ERLIN2: variants seen among roughly 807,000 people sequenced by gnomAD.
The protein encoded by ERLIN2 is erlin-2.
A neutral mutation model predicts 41.5 loss-of-function variants in ERLIN2; 22 were observed. That is an observed-to-expected ratio of 0.53 (90% CI 0.38 to 0.76). The LOEUF is 0.76. Among genes scored for constraint, ERLIN2 ranks in the 30% least tolerant of loss-of-function variants. ERLIN2 has a pLI of 0.00. For missense variants in ERLIN2, 247 were observed against 414.3 expected (o/e 0.60, Z 3.51); for synonymous variants, 149 against 150.9 (o/e 0.99, Z 0.09).
At chr8:37,750,090 A>C in intron 8 of ERLIN2, 1 of 631,226 alleles carries the variant, frequency 1.6e-6, no homozygotes, top group Non-Finnish European at 2.8e-6. Context: ...GAAAAGGGCC[A>C]GGGGGCCTTG....
chr8:37,739,859 G>A (rs1423077368), intron 2 of ERLIN2, among the ~76,000 whole-genome samples: 1 of 151,626 alleles, frequency 6.6e-6, no homozygotes, highest in Non-Finnish European at 1.5e-5. Flanking sequence ...AAGCTGGAGT[G>A]CAGTGGCACA....
intron 1 of ERLIN2, 188 bp from the exon 2 acceptor site, chr8:37,737,720 G>A (rs1802701064): frequency 3.1e-6 from 2 of 637,230 alleles, no homozygotes; most frequent in South Asian, 1.9e-5. Flanking sequence ...TAATTTTACA[G>A]TTAAAGAAAG....
At chr8:37,748,090 C>A in intron 6 of ERLIN2, 1 of 965,742 alleles carries the variant, frequency 1.0e-6, no homozygotes, top group Non-Finnish European at 1.7e-6. Context: ...CGCCTTTTCC[C>A]TGCGGCTACC....
At chr8:37,740,593 A>AAT (rs1406473660) in intron 3 of ERLIN2, 147 bp downstream of exon 3, 320 of 210,548 alleles carry the variant, frequency 1.5e-3, no homozygotes, top group Middle Eastern at 1.9e-3. Context: ...ATATATATAT[A>AAT]ATATATATAT....
chr8:37,745,265 A>G, intron 6 of ERLIN2: 1 of 488,054 alleles, frequency 2.0e-6, no homozygotes, highest in Non-Finnish European at 3.6e-6. Flanking sequence ...TGAGAACCAT[A>G]GCTCCTTCCA....
rs918204435 is a variant in ERLIN2 at position 37,751,519 on chromosome 8, G to A, written c.650-107G>A. 2.9e-4 allele frequency: 252 copies of A among 876,226 alleles called. 2 individuals are homozygous for A. Among genetic ancestry groups the A allele is most frequent in the Middle Eastern group, 1.3e-3 (6 of 4,488 alleles). 54.3% of individuals were successfully genotyped at this position (876,226 alleles called of 1,614,324 possible). ...GTGTGCACTCACAGCTGCCCTCTGGGGGCTCTCCAGACAAGCTGGCCCACC... is the reference window on the plus strand; with the variant it reads ...GTGTGCACTCACAGCTGCCCTCTGGAGGCTCTCCAGACAAGCTGGCCCACC... On this transcript the variant is annotated intron_variant, in intron 9 of 11. Transcript: ENST00000519638.
intron 6 of ERLIN2, chr8:37,747,872 A>T: frequency 6.2e-7 from 1 of 1,613,728 alleles, no homozygotes; most frequent in Non-Finnish European, 8.5e-7. Flanking sequence ...AATTTCTCTA[A>T]CTGACAGTCC....
intron 1 of ERLIN2, chr8:37,736,967 GA>G: frequency 1.0e-6 from 1 of 986,006 alleles, no homozygotes; most frequent in Non-Finnish European, 1.2e-6. Flanking sequence ...GCACTGGCAG[GA>G]AAGGACGCAA....
intron 10 of ERLIN2, among the ~76,000 whole-genome samples, chr8:37,752,378 T>C (rs1294702867): frequency 6.6e-6 from 1 of 152,116 alleles, no homozygotes; most frequent in Non-Finnish European, 1.5e-5. Flanking sequence ...GGCTACAAAG[T>C]GTTATGTCTA....
chr8:37,745,836 G>A (rs929571090), intron 6 of ERLIN2: 36 of 1,346,482 alleles, frequency 2.7e-5, no homozygotes, highest in Middle Eastern at 2.1e-4. Context: ...TAAATTTGCC[G>A]TTGATTTTTC....
At chr8:37,747,613 A>G (rs1208964384) in intron 6 of ERLIN2, 1 of 1,611,738 alleles carries the variant, frequency 6.2e-7, no homozygotes, top group Non-Finnish European at 8.5e-7. Flanking sequence ...CTGAGTATAT[A>G]TGTTCGTTTT....
chr8:37,738,179 C>A (rs1802721925), intron 2 of ERLIN2, 150 bp downstream of exon 2: 3 of 827,638 alleles, frequency 3.6e-6, no homozygotes, highest in African/African-American at 3.4e-5. Context: ...ATGTCAGTAA[C>A]CACGGGAAAG....
chr8:37,753,537 C>T lies in ERLIN2; in HGVS notation c.819+8C>T. The stretch of plus-strand genomic sequence containing the variant: ...ATAGCCGAAGCCAATAAGGTAAAGA[C>T]CCCGCACAGCCTGATAAAAAGGAGT... On this transcript the variant is annotated splice_region_variant and intron_variant, in intron 11 of 11. Coordinates refer to ENST00000519638, the MANE Select transcript of ERLIN2 (RefSeq NM_007175.8). 6.2e-7 allele frequency: 1 copy of T among 1,612,702 alleles called. No individual in the cohort carries two copies. The highest frequency in any genetic ancestry group is 1.3e-5 in the African/African-American group (1 of 75,026).
At position 37,751,764 on chromosome 8, in the gene ERLIN2, G is replaced by C. The variant is rs537009420; in HGVS notation, c.739+49G>C. 2.1e-6 allele frequency: 3 copies of C among 1,431,846 alleles called. No individual in the cohort carries two copies. In the South Asian group the frequency reaches 3.4e-5, roughly 16 times the overall value. 88.7% of individuals were successfully genotyped at this position (1,431,846 alleles called of 1,614,324 possible). On this transcript the variant is annotated intron_variant, in intron 10 of 11. Coordinates refer to ENST00000519638, the MANE Select transcript of ERLIN2 (RefSeq NM_007175.8). ...CTGAGTCCTCCTCAGACCCCGCCCT[G>C]TGGCCAGTGGGTTGGGGAGCCATTG...
intron 3 of ERLIN2, 21 bp downstream of exon 3, chr8:37,740,467 A>G (rs763068880): frequency 9.4e-6 from 15 of 1,591,924 alleles, no homozygotes; most frequent in Non-Finnish European, 1.3e-5. Flanking sequence ...CCTCTGTGGT[A>G]TGGCTGGACG....
chr8:37,747,889 A>G, intron 6 of ERLIN2: 1 of 1,613,958 alleles, frequency 6.2e-7, no homozygotes, highest in Non-Finnish European at 8.5e-7. Flanking sequence ...GTCCAGCACT[A>G]GGACCACCTG....
At chr8:37,745,603 A>G in intron 6 of ERLIN2, 1 of 1,614,146 alleles carries the variant, frequency 6.2e-7, no homozygotes, top group South Asian at 1.1e-5. Flanking sequence ...AATCTTCATA[A>G]AAGGGACCCT....
chr8:37,749,586 C>G lies in ERLIN2; in HGVS notation c.452C>G (p.Ala151Gly). ...FDQIDENLKLALQQDLTSMAP... is the reference protein window; with the variant it reads ...FDQIDENLKLGLQQDLTSMAP... ...CAGATTGATGAAAATCTCAAACTGG[C>G]TTTGCAACAGGACCTGACCTCCATG... is the stretch of plus-strand genomic sequence containing the variant. Residue 151 changes from alanine (A) to glycine (G), a missense_variant, in exon 7 of 12, where the codon GCT (alanine) becomes GGT (glycine). By Grantham distance (60) the Ala-to-Gly change is moderately conservative. Around this residue, in one of 3 missense-constraint regions of ERLIN2, gnomAD observed 153 missense variants for 256.4 expected, o/e 0.60. Transcript: ENST00000519638. The G allele has an allele frequency of 6.2e-7, 1 of 1,613,790 alleles. No homozygotes were observed. Among genetic ancestry groups the G allele is most frequent in the Non-Finnish European group, 8.5e-7 (1 of 1,179,654 alleles).
chr8:37,737,690 C>T, intron 1 of ERLIN2: 3 of 548,316 alleles, frequency 5.5e-6, no homozygotes, highest in Non-Finnish European at 9.8e-6. Context: ...GCCAGTGCTT[C>T]CTCAGTGCGG....
Sources: gnomAD v4.1 joint callset for allele counts (sites outside exome capture counted in the v4.1 genomes callset) on GRCh38, gnomAD v4.1.1 for gene constraint, gnomAD v4.1.1 regional missense constraint, MANE v1.5 for transcripts, NCBI Gene and HGNC (gene_info 2026-07-23, HGNC 2026-07-21) for gene names.